The following NXPH1 variants were observed in gnomAD, a reference collection of about 807,000 sequenced individuals.
NXPH1 encodes the protein neurexophilin-1.
Under a neutral mutation model 23.7 loss-of-function variants are expected in NXPH1, and 5 were observed. That is an observed-to-expected ratio of 0.21 (90% CI 0.11 to 0.44). NXPH1 has a LOEUF of 0.44. NXPH1 is among the 20% of genes least tolerant of loss of function. The pLI, the probability that NXPH1 is intolerant of heterozygous loss-of-function variation, is 0.99. For synonymous variants in NXPH1, 144 were observed against 122.2 expected (o/e 1.18, Z -1.18); for missense variants, 324 against 321.6 (o/e 1.01, Z -0.06).
rs140308086 is a variant in NXPH1 at position 8,439,784 on chromosome 7, T to C, written c.54+4017T>C. Among the ~76,000 whole-genome samples, 1,048 of 152,268 alleles carry C rather than the reference T, an allele frequency of 6.9e-3. 10 individuals are homozygous for C. The highest frequency in any genetic ancestry group is 0.023 in the African/African-American group (950 of 41,532). ...ACTGTTAAAAGCTAGATCATTTGGG[T>C]GAAATCCACTCATTATGAAGATGGC... is the stretch of plus-strand genomic sequence containing the variant. On this transcript the variant is annotated intron_variant, in intron 2 of 2. Coordinates refer to ENST00000405863, the MANE Select transcript of NXPH1 (RefSeq NM_152745.3).
At chr7:8,608,838 T>C (rs1819558824) in intron 2 of NXPH1, among the ~76,000 whole-genome samples, 1 of 152,178 alleles carries the variant, frequency 6.6e-6, no homozygotes, top group South Asian at 2.1e-4. Context: ...AGAGTCATAT[T>C]GTAAGTACTG....
At chr7:8,653,056 T>A (rs1375237426) in intron 2 of NXPH1, among the ~76,000 whole-genome samples, 2 of 152,198 alleles carry the variant, frequency 1.3e-5, no homozygotes, top group African/African-American at 4.8e-5. Context: ...TGTCTCTTTT[T>A]AAGTTTTCAC....
chr7:8,682,076 G>A (rs1053772561), intron 2 of NXPH1, among the ~76,000 whole-genome samples: 4 of 152,190 alleles, frequency 2.6e-5, no homozygotes, highest in Non-Finnish European at 5.9e-5. Flanking sequence ...GGGTGCTGGG[G>A]TGAGGGGTGA....
chr7:8,538,358 A>G lies in NXPH1; in HGVS notation c.54+102591A>G, dbSNP rs193219584. 5.3e-3 allele frequency among the ~76,000 whole-genome samples: 803 copies of G among 151,992 alleles called. 7 individuals are homozygous for G. Among genetic ancestry groups the G allele is most frequent in the African/African-American group, 0.019 (771 of 41,506 alleles). On this transcript the variant is annotated intron_variant, in intron 2 of 2. Coordinates refer to ENST00000405863, the MANE Select transcript of NXPH1 (RefSeq NM_152745.3). ...GCTAAACCATCCTTCTTCATACAAT[A>G]TGGAGATAATACAGTGAAATAGTTA...
At chr7:8,692,222 T>A (rs1434912011) in intron 2 of NXPH1, among the ~76,000 whole-genome samples, 1 of 151,994 alleles carries the variant, frequency 6.6e-6, no homozygotes, top group African/African-American at 2.4e-5. Flanking sequence ...GTGTGTTATA[T>A]AAGGAAGTGA....
intron 2 of NXPH1, among the ~76,000 whole-genome samples, chr7:8,519,694 C>T (rs62448066): frequency 3.9e-5 from 6 of 152,028 alleles, no homozygotes; most frequent in South Asian, 2.1e-4. Context: ...TTTACCTTTC[C>T]GTATGCGTGT....
At chr7:8,542,553 A>G (rs1055304777) in intron 2 of NXPH1, among the ~76,000 whole-genome samples, 1 of 151,664 alleles carries the variant, frequency 6.6e-6, no homozygotes, top group African/African-American at 2.4e-5. Flanking sequence ...TGTGTTATCC[A>G]ATGTGGATCA....
intron 2 of NXPH1, among the ~76,000 whole-genome samples, chr7:8,556,827 T>G (rs1384722297): frequency 6.6e-6 from 1 of 151,748 alleles, no homozygotes; most frequent in African/African-American, 2.4e-5. Context: ...TAACATTTAT[T>G]TAATGCTTAC....
chr7:8,499,378 A>C (rs1449324531), intron 2 of NXPH1, among the ~76,000 whole-genome samples: 2 of 152,028 alleles, frequency 1.3e-5, no homozygotes, highest in Non-Finnish European at 2.9e-5. Flanking sequence ...ACTTTCATCA[A>C]ATACTCAGCC....
chr7:8,640,558 TTG>T (rs1394691060), intron 2 of NXPH1, among the ~76,000 whole-genome samples: 1 of 152,138 alleles, frequency 6.6e-6, no homozygotes. Context: ...ATTGGCTTTA[TTG>T]TGTGTTTTAA....
intron 2 of NXPH1, among the ~76,000 whole-genome samples, chr7:8,558,918 AAAAATT>A (rs34566226): frequency 0.13 from 19,643 of 151,600 alleles, 1,975 homozygotes; most frequent in African/African-American, 0.28. Context: ...AACTGCAGGA[AAAAATT>A]AAAAACAATA....
chr7:8,633,583 ATT>A (rs565522538), intron 2 of NXPH1, among the ~76,000 whole-genome samples: 98 of 152,358 alleles, frequency 6.4e-4, no homozygotes, highest in South Asian at 1.2e-3. Flanking sequence ...ATCTTCTAAC[ATT>A]CATTTATAAA....
At chr7:8,656,586 A>G (rs1820586513) in intron 2 of NXPH1, among the ~76,000 whole-genome samples, 1 of 150,224 alleles carries the variant, frequency 6.7e-6, no homozygotes, top group Non-Finnish European at 1.5e-5. Context: ...GTACATGTGC[A>G]CAATGTGCGG....
intron 2 of NXPH1, among the ~76,000 whole-genome samples, chr7:8,471,491 G>C (rs1345360807): frequency 6.6e-6 from 1 of 152,112 alleles, no homozygotes; most frequent in Non-Finnish European, 1.5e-5. Context: ...GGGGACTGCT[G>C]AATCAATGGC....
Position 8,433,749 on chromosome 7 carries a change from G to A in NXPH1, c.-1117G>A, listed in dbSNP as rs915819932. On this transcript the variant is annotated 5_prime_UTR_variant, in exon 1 of 3. Transcript: ENST00000405863. The surrounding 1 kb of genome is among the most constrained non-coding windows in gnomAD (Gnocchi z 6.8). ...CCTGCACCCTCCCGCGCCCTTCCCCGCCCTACGCGACTCCCGGCTGCTCTT... is the reference window on the plus strand; with the variant it reads ...CCTGCACCCTCCCGCGCCCTTCCCCACCCTACGCGACTCCCGGCTGCTCTT... Among the ~76,000 whole-genome samples, 3 of 151,606 alleles carry A rather than the reference G, an allele frequency of 2.0e-5. No homozygotes were observed. The highest frequency in any genetic ancestry group is 2.9e-5 in the Non-Finnish European group (2 of 67,808).
intron 2 of NXPH1, among the ~76,000 whole-genome samples, chr7:8,619,442 T>C (rs1217678872): frequency 1.3e-5 from 2 of 152,196 alleles, no homozygotes; most frequent in African/African-American, 4.8e-5. Context: ...TTTGTTTATG[T>C]TTGCTTAAGC....
chr7:8,751,143 C>A lies in NXPH1; in HGVS notation c.190C>A (p.Arg64Ser). Residue 64 changes from arginine to serine, a missense_variant, in exon 3 of 3, where the codon CGT (arginine) becomes AGT (serine). Transcript: ENST00000405863. The surrounding 1 kb of genome is among the most constrained non-coding windows in gnomAD (Gnocchi z 4.5). ...CAGCCGACTCCTGTCACAGACTTTT[C>A]GTGGCAAAGAGAATGATACAGATTT... ...SISRLLSQTFRGKENDTDLDL... is the reference protein window; with the variant it reads ...SISRLLSQTFSGKENDTDLDL... 6.2e-7 allele frequency: 1 copy of A among 1,613,766 alleles called. No individual in the cohort carries two copies. Among genetic ancestry groups the A allele is most frequent in the Non-Finnish European group, 8.5e-7 (1 of 1,179,756 alleles).
At chr7:8,468,577 C>T (rs1417296509) in intron 2 of NXPH1, among the ~76,000 whole-genome samples, 1 of 152,042 alleles carries the variant, frequency 6.6e-6, no homozygotes, top group Non-Finnish European at 1.5e-5. Flanking sequence ...CATCAATACT[C>T]AACCAATGAT....
chr7:8,693,511 G>A (rs1403414926), intron 2 of NXPH1, among the ~76,000 whole-genome samples: 2 of 152,144 alleles, frequency 1.3e-5, no homozygotes, highest in Admixed American at 1.3e-4. Context: ...AGTGTCTTTG[G>A]CAAAAGACTT....
Sources: gnomAD v4.1 joint callset for allele counts (sites outside exome capture counted in the v4.1 genomes callset) on GRCh38, gnomAD v4.1.1 for gene constraint, Gnocchi (gnomAD v3.1) non-coding constraint, MANE v1.5 for transcripts, NCBI Gene and HGNC (gene_info 2026-07-23, HGNC 2026-07-21) for gene names.